The following RCAN1 variants were observed in gnomAD, a reference collection of about 807,000 sequenced individuals.
RCAN1 encodes the protein regulator of calcineurin 1.
A neutral mutation model predicts 22.9 loss-of-function variants in RCAN1; 11 were observed. That is an observed-to-expected ratio of 0.48 (90% CI 0.30 to 0.79). RCAN1 has a LOEUF of 0.79. Ranked by LOEUF, RCAN1 falls within the 30% of genes least tolerant of loss-of-function variation. The probability of loss-of-function intolerance (pLI) is 0.06; values close to 1 mark genes in which losing one functional copy is unlikely to be tolerated. For synonymous variants in RCAN1, 136 were observed against 142.3 expected (o/e 0.96, Z 0.32); for missense variants, 291 against 337.8 (o/e 0.86, Z 1.09).
intron 1 of RCAN1, among the ~76,000 whole-genome samples, chr21:34,594,411 G>T (rs963002002): frequency 6.6e-6 from 1 of 152,170 alleles, no homozygotes; most frequent in African/African-American, 2.4e-5. Flanking sequence ...CATTAGCTGG[G>T]TGTGGTAGCA....
chr21:34,519,737 C>T (rs1236324490), intron 3 of RCAN1, among the ~76,000 whole-genome samples: 1 of 152,128 alleles, frequency 6.6e-6, no homozygotes, highest in Admixed American at 6.5e-5. Context: ...AGCGAGGAGG[C>T]ACCGCACCAA....
intron 1 of RCAN1, among the ~76,000 whole-genome samples, chr21:34,613,044 G>A (rs1261369445): frequency 6.6e-6 from 1 of 152,216 alleles, no homozygotes; most frequent in Non-Finnish European, 1.5e-5. Context: ...ATGAAAGCAA[G>A]GAGCTTGAAA....
At position 34,607,518 on chromosome 21, in the gene RCAN1, T is replaced by C. The variant is rs143665479; in HGVS notation, c.252+7242A>G. On this transcript the variant is annotated intron_variant, in intron 1 of 3. Transcript: ENST00000313806. ...GATTCTCATGCCTCAGCCTCCTGAA[T>C]AGCTGGGACTACAGGCGCGTGCCAC... is the stretch of plus-strand genomic sequence containing the variant. Among the ~76,000 whole-genome samples the C allele has an allele frequency of 4.6e-5, 7 of 152,146 alleles. No individual in the cohort carries two copies. In the East Asian group the frequency reaches 1.4e-3, roughly 29 times the overall value.
At chr21:34,604,160 C>A (rs1434160060) in intron 1 of RCAN1, among the ~76,000 whole-genome samples, 1 of 152,234 alleles carries the variant, frequency 6.6e-6, no homozygotes, top group South Asian at 2.1e-4. Context: ...TTTTGAGACA[C>A]AGCTCTGTTG....
chr21:34,578,631 G>GC (rs1987494900), intron 1 of RCAN1, among the ~76,000 whole-genome samples: 1 of 152,202 alleles, frequency 6.6e-6, no homozygotes. Context: ...GAATGGACCT[G>GC]CCCAGGGAGG....
chr21:34,614,578 G>T lies in RCAN1; in HGVS notation c.252+182C>A. 1 of 985,328 alleles carries T rather than the reference G, an allele frequency of 1.0e-6. No individual in the cohort carries two copies. The allele number at this position is 985,328 out of a possible 1,614,324, so 61.0% of individuals were successfully genotyped here. A position where few individuals can be genotyped will look rare whatever the true frequency, so the allele number is the denominator to read the frequency against. ...CGCGCCCCGGGGGTGCTAGGGGACC[G>T]GGACCCTCGGGGCGCCGTCCCCACG... On this transcript the variant is annotated intron_variant, in intron 1 of 3. Coordinates refer to ENST00000313806, the MANE Select transcript of RCAN1 (RefSeq NM_004414.7). The surrounding 1 kb of genome is among the most constrained non-coding windows in gnomAD (Gnocchi z 6.0).
At chr21:34,539,658 A>G (rs1168385462) in intron 1 of RCAN1, among the ~76,000 whole-genome samples, 2 of 152,238 alleles carry the variant, frequency 1.3e-5, no homozygotes, top group Non-Finnish European at 1.5e-5. Flanking sequence ...GGTAAAGGTT[A>G]GTTGGAGAGA....
At chr21:34,521,413 A>C in intron 3 of RCAN1, 86 bp downstream of exon 3, 1 of 1,603,786 alleles carries the variant, frequency 6.2e-7, no homozygotes, top group Non-Finnish European at 8.5e-7. Flanking sequence ...CAGGAGAGCT[A>C]CGGGGGTAGT....
intron 1 of RCAN1, chr21:34,525,434 T>A: frequency 5.0e-6 from 7 of 1,404,564 alleles, no homozygotes; most frequent in Non-Finnish European, 5.6e-6. Flanking sequence ...TCTCACTCTT[T>A]TTCCCCACCT....
chr21:34,594,336 G>A (rs1461686159), intron 1 of RCAN1, among the ~76,000 whole-genome samples: 1 of 152,152 alleles, frequency 6.6e-6, no homozygotes, highest in South Asian at 2.1e-4. Flanking sequence ...GGTGGATCAC[G>A]GGGTCAAGAG....
At position 34,520,975 on chromosome 21, in the gene RCAN1, C is replaced by G. The variant is rs1984470519; in HGVS notation, c.586+524G>C. ...TTAGCAAGCTCTGTAGGGGACCAGC[C>G]CACAGGCCCTGGGGTAGGGCAGCCC... On this transcript the variant is annotated intron_variant, in intron 3 of 3. Transcript: ENST00000313806. 3 of 704,018 alleles carry G rather than the reference C, an allele frequency of 4.3e-6. No homozygotes were observed. In the South Asian group the frequency reaches 1.8e-4, roughly 43 times the overall value. The allele number at this position is 704,018 out of a possible 1,614,324, so 43.6% of individuals were successfully genotyped here.
chr21:34,521,306 C>T, intron 3 of RCAN1, 193 bp downstream of exon 3: 1 of 1,476,412 alleles, frequency 6.8e-7, no homozygotes, highest in Non-Finnish European at 9.0e-7. Context: ...GTCTCTCTAA[C>T]ACTGCAGGTG....
At chr21:34,609,038 A>C (rs149108894) in intron 1 of RCAN1, among the ~76,000 whole-genome samples, 11 of 152,350 alleles carry the variant, frequency 7.2e-5, no homozygotes, top group African/African-American at 2.6e-4. Flanking sequence ...ACTATATCAA[A>C]TATGGTAAAG....
At chr21:34,533,241 T>C (rs1985509652) in intron 1 of RCAN1, among the ~76,000 whole-genome samples, 1 of 152,222 alleles carries the variant, frequency 6.6e-6, no homozygotes, top group Non-Finnish European at 1.5e-5. Context: ...ATTACAGGCG[T>C]GAGCCACCGC....
chr21:34,597,996 T>C (rs903074261), intron 1 of RCAN1, among the ~76,000 whole-genome samples: 1 of 151,962 alleles, frequency 6.6e-6, no homozygotes, highest in African/African-American at 2.4e-5. Context: ...ATAGATAGGG[T>C]CTATATAAAG....
chr21:34,612,021 C>A (rs1988699174), intron 1 of RCAN1, among the ~76,000 whole-genome samples: 1 of 152,146 alleles, frequency 6.6e-6, no homozygotes, highest in African/African-American at 2.4e-5. Context: ...TCCCTCATCC[C>A]CATTCTGAAG....
At chr21:34,585,898 A>T (rs1568923815) in intron 1 of RCAN1, among the ~76,000 whole-genome samples, 1 of 152,202 alleles carries the variant, frequency 6.6e-6, no homozygotes, top group Non-Finnish European at 1.5e-5. Context: ...AAGAGCTGGC[A>T]CATCATGCAA....
chr21:34,589,828 A>G (rs955348915), intron 1 of RCAN1, among the ~76,000 whole-genome samples: 1 of 152,104 alleles, frequency 6.6e-6, no homozygotes, highest in African/African-American at 2.4e-5. Context: ...AGGCCTTTGG[A>G]CTAGCCAGTC....
At chr21:34,522,849 T>G (rs1984685204) in intron 2 of RCAN1, 1 of 152,098 alleles carries the variant, frequency 6.6e-6, no homozygotes, top group Non-Finnish European at 1.5e-5. Context: ...GGACATCAAA[T>G]GGAACTCTGG....
Sources: gnomAD v4.1 joint callset for allele counts (sites outside exome capture counted in the v4.1 genomes callset) on GRCh38, gnomAD v4.1.1 for gene constraint, Gnocchi (gnomAD v3.1) non-coding constraint, MANE v1.5 for transcripts, NCBI Gene and HGNC (gene_info 2026-07-23, HGNC 2026-07-21) for gene names.